The following ME3 variants were observed in gnomAD, a reference collection of about 807,000 sequenced individuals.
ME3 encodes the protein NADP-dependent malic enzyme, mitochondrial.
Under a neutral mutation model 68.9 loss-of-function variants are expected in ME3, and 48 were observed. That is an observed-to-expected ratio of 0.70 (90% confidence interval 0.55 to 0.89). The LOEUF (loss-of-function observed/expected upper bound fraction) is 0.89, where lower values mean the gene tolerates loss of function less well. Ranked by LOEUF, ME3 falls within the 40% of genes least tolerant of loss-of-function variation. The pLI is 0.00. For missense variants in ME3, 675 were observed against 797.4 expected, an observed-to-expected ratio of 0.85 and a Z score of 1.85; for synonymous variants, 320 against 318.8, an observed-to-expected ratio of 1.00 and a Z score of -0.04.
intron 2 of ME3, among the ~76,000 whole-genome samples, chr11:86,600,642 A>T (rs1960460220): frequency 6.6e-6 from 1 of 152,000 alleles, no homozygotes; most frequent in Non-Finnish European, 1.5e-5. Flanking sequence ...AAATCAACAG[A>T]ATATACATTT....
chr11:86,529,840 T>A (rs925606536), intron 4 of ME3, among the ~76,000 whole-genome samples: 24 of 152,214 alleles, frequency 1.6e-4, no homozygotes, highest in African/African-American at 5.5e-4. Context: ...AATTAGGTAT[T>A]GATGGGACAT....
chr11:86,456,177 T>A (rs1949911505), intron 8 of ME3, among the ~76,000 whole-genome samples: 1 of 152,206 alleles, frequency 6.6e-6, no homozygotes, highest in African/African-American at 2.4e-5. Context: ...GGTGAGGTAC[T>A]AGTTTCCTGC....
chr11:86,451,144 A>C (rs1297221702), intron 8 of ME3, among the ~76,000 whole-genome samples: 1 of 152,250 alleles, frequency 6.6e-6, no homozygotes, highest in African/African-American at 2.4e-5. Flanking sequence ...CATGACTTCA[A>C]GTGGTAAATT....
At chr11:86,666,979 G>T (rs1565301153) in intron 2 of ME3, among the ~76,000 whole-genome samples, 1 of 152,166 alleles carries the variant, frequency 6.6e-6, no homozygotes. Context: ...TAGCTGTGTG[G>T]AAGTCTAATA....
chr11:86,561,658 T>G (rs1957243872), intron 2 of ME3, among the ~76,000 whole-genome samples: 1 of 152,218 alleles, frequency 6.6e-6, no homozygotes, highest in Non-Finnish European at 1.5e-5. Flanking sequence ...TGTACTTAAT[T>G]GCTTAATTTC....
chr11:86,553,971 CT>C lies in ME3; in HGVS notation c.467+2581del, dbSNP rs762246334. On this transcript the variant is annotated intron_variant, in intron 4 of 14. Transcript: ENST00000543262. Reference sequence around the variant, plus strand: ...TTTGCTGGTTATAAACTATGTGTGACTTTGGGTAAGTTATTTCCCTGTGCCT... The same window carrying C: ...TTTGCTGGTTATAAACTATGTGTGACTTGGGTAAGTTATTTCCCTGTGCCT... 2.0e-3 allele frequency among the ~76,000 whole-genome samples: 310 copies of C among 152,302 alleles called. 2 individuals carry two copies. Among genetic ancestry groups the C allele is most frequent in the Non-Finnish European group, 3.4e-3 (231 of 68,028 alleles).
chr11:86,435,156 A>T, the ME3 span: 1 of 152,240 alleles, frequency 6.6e-6, no homozygotes, highest in African/African-American at 2.4e-5. Flanking sequence ...GCAAATTTTA[A>T]GCTATTTGAA....
chr11:86,474,446 G>A (rs1950951282), intron 7 of ME3, among the ~76,000 whole-genome samples: 1 of 152,134 alleles, frequency 6.6e-6, no homozygotes, highest in South Asian at 2.1e-4. Flanking sequence ...GGGGATGGTG[G>A]CTGACCTGCT....
chr11:86,521,031 C>A (rs1359948898), intron 4 of ME3, among the ~76,000 whole-genome samples: 1 of 152,198 alleles, frequency 6.6e-6, no homozygotes, highest in Non-Finnish European at 1.5e-5. Context: ...CCAAATCCAA[C>A]CCTTATTTAT....
chr11:86,498,834 TATTC>T (rs1004972095), intron 5 of ME3, among the ~76,000 whole-genome samples: 2 of 152,244 alleles, frequency 1.3e-5, no homozygotes, highest in African/African-American at 2.4e-5. Context: ...GATATTCTTT[TATTC>T]ATTCATTTAA....
chr11:86,475,631 A>T (rs1301183298), intron 7 of ME3, among the ~76,000 whole-genome samples: 1 of 152,036 alleles, frequency 6.6e-6, no homozygotes, highest in East Asian at 1.9e-4. Flanking sequence ...AGTTTTCCTT[A>T]ATTTCCCACA....
intron 2 of ME3, among the ~76,000 whole-genome samples, chr11:86,635,426 C>T (rs1944272835): frequency 6.6e-6 from 1 of 152,204 alleles, no homozygotes; most frequent in Non-Finnish European, 1.5e-5. Context: ...TGAGAATAAG[C>T]CACACAGTCT....
intron 2 of ME3, among the ~76,000 whole-genome samples, chr11:86,593,188 T>TTATCCTATAAGAAGCAAACTGA (rs1278996540): frequency 1.3e-5 from 2 of 148,238 alleles, no homozygotes; most frequent in African/African-American, 5.0e-5. Context: ...CATGATTTCC[T>TTATCCTATAAGAAGCAAACTGA]CCACCCTCCT....
chr11:86,512,645 T>G (rs1953624224), intron 4 of ME3, among the ~76,000 whole-genome samples: 1 of 152,202 alleles, frequency 6.6e-6, no homozygotes, highest in Non-Finnish European at 1.5e-5. Context: ...CTGTTGCCTG[T>G]GGCTTAGAGC....
chr11:86,457,480 TGGGAAG>T, intron 8 of ME3: 1 of 1,035,276 alleles, frequency 9.7e-7, no homozygotes, highest in Non-Finnish European at 1.2e-6. Context: ...TTTTTTCCTT[TGGGAAG>T]CTATTTCTGC....
intron 4 of ME3, among the ~76,000 whole-genome samples, chr11:86,550,776 T>A (rs1301056439): frequency 6.6e-6 from 1 of 152,036 alleles, no homozygotes; most frequent in Admixed American, 6.5e-5. Flanking sequence ...AACTGTGTTG[T>A]GATGTGCTCA....
chr11:86,482,204 A>G (rs1951452377), intron 7 of ME3, among the ~76,000 whole-genome samples: 1 of 152,214 alleles, frequency 6.6e-6, no homozygotes, highest in South Asian at 2.1e-4. Context: ...CTTGAGCTCC[A>G]GACTTACACA....
chr11:86,639,915 A>G (rs925254880), intron 2 of ME3, among the ~76,000 whole-genome samples: 4 of 152,190 alleles, frequency 2.6e-5, no homozygotes, highest in African/African-American at 9.6e-5. Context: ...AGGATGTATG[A>G]GACAATTGAG....
chr11:86,531,733 G>A (rs1955248313), intron 4 of ME3, among the ~76,000 whole-genome samples: 1 of 147,364 alleles, frequency 6.8e-6, no homozygotes, highest in African/African-American at 2.5e-5. Flanking sequence ...ATCATTCTGA[G>A]CAAACTGTCA....
Sources: allele counts gnomAD v4.1 joint callset (sites outside exome capture counted in the v4.1 genomes callset), GRCh38; gene constraint gnomAD v4.1.1; transcripts MANE v1.5; gene names NCBI Gene and HGNC (gene_info 2026-07-23, HGNC 2026-07-21).